The following RGPD2 variants were observed in gnomAD, a reference collection of about 807,000 sequenced individuals.
RGPD2 encodes the protein RANBP2-like and GRIP domain-containing protein 2.
A neutral mutation model predicts 36.0 loss-of-function variants in RGPD2; 2 were observed. That is an observed-to-expected ratio of 0.06 (90% CI 0.02 to 0.17). RGPD2 has a LOEUF of 0.17. RGPD2 is among the 10% of genes least tolerant of loss of function. RGPD2 has a pLI of 1.00. For missense variants in RGPD2, 40 were observed against 464.3 expected, an observed-to-expected ratio of 0.09 and a Z score of 8.40; for synonymous variants, 19 against 163.8, an observed-to-expected ratio of 0.12 and a Z score of 6.75.
At chr2:87,975,099 C>T in the RGPD2 span, among the ~76,000 whole-genome samples, 1 of 152,112 alleles carries the variant, frequency 6.6e-6, no homozygotes, top group African/African-American at 2.4e-5. Flanking sequence ...TCAATCATAC[C>T]AGGCTCATTC....
chr2:87,763,121 AC>A (rs1452058171), intron 22 of RGPD2, among the ~76,000 whole-genome samples: 3 of 57,078 alleles, frequency 5.3e-5, no homozygotes, highest in Non-Finnish European at 9.8e-5. Flanking sequence ...GTAATGTGTT[AC>A]AAATGAGATC....
chr2:87,974,120 G>A, the RGPD2 span, among the ~76,000 whole-genome samples: 14 of 146,290 alleles, frequency 9.6e-5, no homozygotes, highest in South Asian at 2.5e-3. Flanking sequence ...ACCCACCTGT[G>A]AGGTTCTTTT....
chr2:87,825,174 T>A (rs2104382283), intron 1 of RGPD2: 1 of 392,722 alleles, frequency 2.5e-6, no homozygotes, highest in African/African-American at 2.1e-5. Context: ...TACTGATCAT[T>A]CTATTTCCCC....
At chr2:87,917,105 G>A in the RGPD2 span, among the ~76,000 whole-genome samples, 1 of 152,074 alleles carries the variant, frequency 6.6e-6, no homozygotes, top group East Asian at 1.9e-4. Context: ...CAATGACTAA[G>A]GCTCCAAGGT....
At chr2:87,935,643 C>T in the RGPD2 span, among the ~76,000 whole-genome samples, 1 of 151,248 alleles carries the variant, frequency 6.6e-6, no homozygotes, top group African/African-American at 2.4e-5. Flanking sequence ...GAGAAGTACT[C>T]ACATAAAGAA....
the RGPD2 span, among the ~76,000 whole-genome samples, chr2:87,961,045 C>T: frequency 1.4e-5 from 2 of 144,810 alleles, no homozygotes; most frequent in African/African-American, 2.6e-5. Context: ...AGTTACCAGG[C>T]GTAACTGAAA....
At chr2:87,898,215 CT>C in the RGPD2 span, among the ~76,000 whole-genome samples, 2 of 37,174 alleles carry the variant, frequency 5.4e-5, no homozygotes, top group Non-Finnish European at 1.1e-4. Flanking sequence ...TTCCTGAACT[CT>C]TTTGTTTCTT....
the RGPD2 span, among the ~76,000 whole-genome samples, chr2:87,876,092 G>C: frequency 6.7e-6 from 1 of 150,030 alleles, no homozygotes; most frequent in African/African-American, 2.5e-5. Flanking sequence ...ATTTGATTCT[G>C]TTTTCTTTTC....
the RGPD2 span, among the ~76,000 whole-genome samples, chr2:87,961,594 C>T: frequency 0.014 from 2,073 of 148,836 alleles, 40 homozygotes; most frequent in African/African-American, 0.049. Context: ...CCCAGCTACT[C>T]GGGAGGCTGA....
At chr2:87,907,466 A>AAAAT in the RGPD2 span, among the ~76,000 whole-genome samples, 1 of 4,370 alleles carries the variant, frequency 2.3e-4, no homozygotes, top group African/African-American at 1.0e-3. Flanking sequence ...AAAAAAAAGA[A>AAAAT]TTGTGGGTAT....
chr2:87,963,858 C>T, the RGPD2 span, among the ~76,000 whole-genome samples: 8 of 97,816 alleles, frequency 8.2e-5, no homozygotes, highest in Middle Eastern at 9.1e-3. Context: ...TTTTTTGAGA[C>T]GGAGTTTCAC....
chr2:87,818,081 T>C (rs1574024422), intron 2 of RGPD2, among the ~76,000 whole-genome samples: 1 of 50,284 alleles, frequency 2.0e-5, no homozygotes, highest in Non-Finnish European at 4.0e-5. Context: ...TTTAATCCAC[T>C]CCCAGTCAGG....
At chr2:87,858,148 C>T in the RGPD2 span, among the ~76,000 whole-genome samples, 180 of 152,076 alleles carry the variant, frequency 1.2e-3, no homozygotes, top group African/African-American at 3.5e-3. Flanking sequence ...CATGGTGGTG[C>T]GTGCCTGTAA....
chr2:87,874,077 T>C, the RGPD2 span, among the ~76,000 whole-genome samples: 680 of 150,940 alleles, frequency 4.5e-3, no homozygotes, highest in Non-Finnish European at 7.3e-3. Context: ...TTTTTTTTCT[T>C]GTAAATTTAT....
the RGPD2 span, among the ~76,000 whole-genome samples, chr2:87,875,795 C>T: frequency 2.0e-5 from 3 of 152,268 alleles, no homozygotes; most frequent in Admixed American, 6.5e-5. Context: ...ACGGTACCAG[C>T]TCTTCTTTTT....
At chr2:87,967,257 A>T in the RGPD2 span, among the ~76,000 whole-genome samples, 705 of 145,488 alleles carry the variant, frequency 4.8e-3, 8 homozygotes, top group Middle Eastern at 0.024. Flanking sequence ...AATACAAAAA[A>T]ATTAGCTGGG....
chr2:87,972,097 C>A, the RGPD2 span, among the ~76,000 whole-genome samples: 1 of 151,910 alleles, frequency 6.6e-6, no homozygotes, highest in Non-Finnish European at 1.5e-5. Flanking sequence ...TACTAACATG[C>A]AATGAAAAGA....
chr2:87,984,686 T>C, the RGPD2 span, among the ~76,000 whole-genome samples: 6 of 146,872 alleles, frequency 4.1e-5, no homozygotes, highest in African/African-American at 1.5e-4. Flanking sequence ...ATCCCAGCAC[T>C]TTGGGAGGCT....
the RGPD2 span, among the ~76,000 whole-genome samples, chr2:87,918,344 C>T: frequency 6.7e-6 from 1 of 148,424 alleles, no homozygotes; most frequent in Non-Finnish European, 1.5e-5. Flanking sequence ...CATACAACAG[C>T]CTTTTATCAG....
Sources: allele counts gnomAD v4.1 joint callset (sites outside exome capture counted in the v4.1 genomes callset), GRCh38; gene constraint gnomAD v4.1.1; transcripts MANE v1.5; gene names NCBI Gene and HGNC (gene_info 2026-07-23, HGNC 2026-07-21).